The following FLRT1 variants were observed in gnomAD, a reference collection of about 807,000 sequenced individuals.
FLRT1 encodes the protein leucine-rich repeat transmembrane protein FLRT1.
A neutral mutation model predicts 30.9 loss-of-function variants in FLRT1; 14 were observed. That is an observed-to-expected ratio of 0.45 (90% CI 0.30 to 0.71). The LOEUF is 0.71. Ranked by LOEUF, FLRT1 falls within the 30% of genes least tolerant of loss-of-function variation. The probability of loss-of-function intolerance (pLI) is 0.08; values close to 1 mark genes in which losing one functional copy is unlikely to be tolerated. For synonymous variants in FLRT1, 368 were observed against 430.4 expected (o/e 0.85, Z 1.80); for missense variants, 737 against 949.2 (o/e 0.78, Z 2.94).
At chr11:64,055,523 A>C (rs558310447) in intron 1 of FLRT1, among the ~76,000 whole-genome samples, 15 of 152,240 alleles carry the variant, frequency 9.9e-5, no homozygotes, top group Non-Finnish European at 1.8e-4. Context: ...GCTAAAGAGG[A>C]GCGGGGGAAC....
In FLRT1 at chr11:64,035,957, G is replaced by T. The variant is rs1354278785; in HGVS notation, c.-1240G>T. 3 of 147,356 alleles carry T rather than the reference G, an allele frequency of 2.0e-5. No individual in the cohort carries two copies. In the South Asian group the frequency reaches 5.7e-4, roughly 28 times the overall value. The allele number at this position is 147,356 out of a possible 1,614,324, so 9.1% of individuals were successfully genotyped here. A position where few individuals can be genotyped will look rare whatever the true frequency, so the allele number is the denominator to read the frequency against. ...CACTCCTCCCGCGGCTCCGCCGGGC[G>T]CCCGAGCCGGGCAGATGCGCCGCCG... On this transcript the variant is annotated 5_prime_UTR_variant, in exon 1 of 3. Coordinates refer to ENST00000682287, the MANE Select transcript of FLRT1 (RefSeq NM_013280.5).
At position 64,036,369 on chromosome 11, in the gene FLRT1, G is replaced by T. The variant is rs1943380184; in HGVS notation, c.-1038+210G>T. Reference sequence around the variant, plus strand: ...AGTCAAGAGCCAAGCACCAGTAGCGGTGGCGCTGGCCCCGCCGCGGGGAGG... The same window carrying T: ...AGTCAAGAGCCAAGCACCAGTAGCGTTGGCGCTGGCCCCGCCGCGGGGAGG... On this transcript the variant is annotated intron_variant, in intron 1 of 2. Coordinates refer to ENST00000682287, the MANE Select transcript of FLRT1 (RefSeq NM_013280.5). The surrounding 1 kb of genome is among the most constrained non-coding windows in gnomAD (Gnocchi z 5.6). 6.6e-6 allele frequency among the ~76,000 whole-genome samples: 1 copy of T among 152,146 alleles called. No homozygotes were observed. The highest frequency in any genetic ancestry group is 6.5e-5 in the Admixed American group (1 of 15,286).
intron 1 of FLRT1, among the ~76,000 whole-genome samples, chr11:64,087,779 C>G (rs564489393): frequency 6.6e-6 from 1 of 152,222 alleles, no homozygotes; most frequent in Admixed American, 6.5e-5. Context: ...TCTGAATGAC[C>G]GGAGGCTGGA....
At chr11:64,095,062 C>T (rs919560230) in intron 1 of FLRT1, among the ~76,000 whole-genome samples, 2 of 152,176 alleles carry the variant, frequency 1.3e-5, no homozygotes, top group Non-Finnish European at 2.9e-5. Flanking sequence ...TTAAGGCAGG[C>T]TCCCAAATGA....
At chr11:64,085,564 C>T (rs1944379075) in intron 1 of FLRT1, among the ~76,000 whole-genome samples, 1 of 152,188 alleles carries the variant, frequency 6.6e-6, no homozygotes, top group Admixed American at 6.5e-5. Flanking sequence ...ACGTCCCCTG[C>T]CGCCCGCCCG....
In FLRT1 at chr11:64,118,167, G is replaced by T. The variant is rs541305050; in HGVS notation, c.1900G>T (p.Val634Leu). 5 of 1,613,698 alleles carry T rather than the reference G, an allele frequency of 3.1e-6. No homozygotes were observed. Among genetic ancestry groups the T allele is most frequent in the Non-Finnish European group, 4.2e-6 (5 of 1,179,990 alleles). The change falls in exon 3 of 3, where the codon GTG becomes TTG. Residue 634 changes from valine to leucine, a missense_variant. Val to Leu is a conservative substitution (Grantham distance 32). Coordinates refer to ENST00000682287, the MANE Select transcript of FLRT1 (RefSeq NM_013280.5). ...INPYRAKEEY[V>L]VHTIFPSNGS... ...CCCGTACCGCGCCAAAGAAGAGTAC[G>T]TGGTCCACACTATCTTCCCCTCCAA...
At chr11:64,068,148 T>C (rs1213403885) in intron 1 of FLRT1, among the ~76,000 whole-genome samples, 4 of 152,372 alleles carry the variant, frequency 2.6e-5, no homozygotes, top group Admixed American at 6.5e-5. Flanking sequence ...CATTAAGATA[T>C]GGCGTTCAAA....
At chr11:64,060,736 C>G (rs1275381893) in intron 1 of FLRT1, 1 of 152,212 alleles carries the variant, frequency 6.6e-6, no homozygotes, top group African/African-American at 2.4e-5. Context: ...AGCTCTGTGC[C>G]GAGCCCACTG....
At chr11:64,043,333 C>T (rs948200335) in intron 1 of FLRT1, among the ~76,000 whole-genome samples, 1 of 152,236 alleles carries the variant, frequency 6.6e-6, no homozygotes, top group Non-Finnish European at 1.5e-5. Context: ...GCTTTCCGCC[C>T]TCAGGACCCC....
rs35179984 is a variant in FLRT1, at chr11:64,061,702, C to CTT, written c.-1038+25557_-1038+25558dup. Among the ~76,000 whole-genome samples, 242 of 141,842 alleles carry CTT rather than the reference C, an allele frequency of 1.7e-3. 1 individual carries two copies. Among genetic ancestry groups the CTT allele is most frequent in the South Asian group, 3.6e-3 (16 of 4,424 alleles). 93.1% of individuals were successfully genotyped at this position (141,842 alleles called of 152,430 possible). A position where few individuals can be genotyped will look rare whatever the true frequency, so the allele number is the denominator to read the frequency against. On this transcript the variant is annotated intron_variant, in intron 1 of 2. Transcript: ENST00000682287. The stretch of plus-strand genomic sequence containing the variant: ...TTAATTTTTAGAGGAGTAAATGAGA[C>CTT]TTTTTTTTTTTTTTTGAGATAGGGT...
At chr11:64,101,858 G>T (rs951167122) in intron 1 of FLRT1, among the ~76,000 whole-genome samples, 1 of 151,928 alleles carries the variant, frequency 6.6e-6, no homozygotes, top group Non-Finnish European at 1.5e-5. Context: ...TTCTTCCTAG[G>T]GCAGCTTGTC....
intron 1 of FLRT1, among the ~76,000 whole-genome samples, chr11:64,075,516 C>T (rs1223474133): frequency 6.6e-6 from 1 of 152,232 alleles, no homozygotes; most frequent in African/African-American, 2.4e-5. Flanking sequence ...CAGCTGGGCT[C>T]AAACCGAGGG....
At chr11:64,038,743 G>A (rs1261601293) in intron 1 of FLRT1, among the ~76,000 whole-genome samples, 2 of 152,162 alleles carry the variant, frequency 1.3e-5, no homozygotes, top group African/African-American at 2.4e-5. Flanking sequence ...TCTAGAGTCT[G>A]GAAATGATAT....
Position 64,117,948 on chromosome 11 carries a change from G to A in FLRT1, c.1681G>A (p.Val561Met). ...LPLAGIIGGAVALVFLFLVLG... is the reference protein window; with the variant it reads ...LPLAGIIGGAMALVFLFLVLG... ...CCTGGCGGGCATCATCGGCGGGGCAGTGGCTCTGGTCTTCCTCTTCCTGGT... is the reference window on the plus strand; with the variant it reads ...CCTGGCGGGCATCATCGGCGGGGCAATGGCTCTGGTCTTCCTCTTCCTGGT... The change falls in exon 3 of 3, where the codon GTG becomes ATG. Residue 561 changes from valine to methionine, a missense_variant. Physicochemically the swap from Val to Met is conservative, Grantham distance 21. Transcript: ENST00000682287. The A allele has an allele frequency of 6.2e-7, 1 of 1,613,690 alleles. No homozygotes were observed. Among genetic ancestry groups the A allele is most frequent in the Admixed American group, 1.7e-5 (1 of 60,026 alleles).
chr11:64,060,553 C>G (rs1943879832), intron 1 of FLRT1: 1 of 152,202 alleles, frequency 6.6e-6, no homozygotes, highest in African/African-American at 2.4e-5. Flanking sequence ...AGAGCAGGCC[C>G]CAGCCTGGAG....
At chr11:64,061,335 C>T (rs1301410103) in intron 1 of FLRT1, among the ~76,000 whole-genome samples, 1 of 152,214 alleles carries the variant, frequency 6.6e-6, no homozygotes, top group Admixed American at 6.5e-5. Flanking sequence ...TGAGCCTCCG[C>T]CCCCAGCCCG....
intron 1 of FLRT1, among the ~76,000 whole-genome samples, chr11:64,049,760 T>TTTGTGAAATGGGCGCCAG: frequency 6.6e-6 from 1 of 152,312 alleles, no homozygotes; most frequent in South Asian, 2.1e-4. Flanking sequence ...GGTTTCTCCA[T>TTTGTGAAATGGGCGCCAG]CTGTGAAATG....
chr11:64,110,535 CA>C (rs1289592603), intron 2 of FLRT1, among the ~76,000 whole-genome samples: 1 of 151,970 alleles, frequency 6.6e-6, no homozygotes, highest in Non-Finnish European at 1.5e-5. Context: ...TGGAGGTTGG[CA>C]GGGGACAACG....
chr11:64,057,678 C>G (rs1451924764), intron 1 of FLRT1, among the ~76,000 whole-genome samples: 1 of 152,224 alleles, frequency 6.6e-6, no homozygotes, highest in African/African-American at 2.4e-5. Context: ...CCCAGGGTGT[C>G]TGCTCCCCCA....
Sources: gnomAD v4.1 joint callset for allele counts (sites outside exome capture counted in the v4.1 genomes callset) on GRCh38, gnomAD v4.1.1 for gene constraint, Gnocchi (gnomAD v3.1) non-coding constraint, MANE v1.5 for transcripts, NCBI Gene and HGNC (gene_info 2026-07-23, HGNC 2026-07-21) for gene names.